Variants in SPIRE1 observed in about 807,000 individuals in gnomAD.
SPIRE1 encodes spire type actin nucleation factor 1, also known as protein spire homolog 1.
Under a neutral mutation model 94.1 loss-of-function variants are expected in SPIRE1, and 40 were observed. The ratio of observed to expected loss-of-function variants is 0.43; its 90% CI spans 0.33 to 0.55. The LOEUF (loss-of-function observed/expected upper bound fraction) is 0.55, where lower values mean the gene tolerates loss of function less well. Among genes scored for constraint, SPIRE1 ranks in the 20% least tolerant of loss-of-function variants. SPIRE1 has a pLI of 0.06. For synonymous variants in SPIRE1, 376 were observed against 371.7 expected, an observed-to-expected ratio of 1.01 and a Z score of -0.13; for missense variants, 838 against 975.2, an observed-to-expected ratio of 0.86 and a Z score of 1.87.
intron 2 of SPIRE1, among the ~76,000 whole-genome samples, chr18:12,592,293 A>G (rs2036557086): frequency 1.3e-5 from 2 of 152,222 alleles, no homozygotes; most frequent in Non-Finnish European, 2.9e-5. Context: ...ACTCAATTTG[A>G]AGGGCTTTTA....
In SPIRE1 at chr18:12,608,533, AT is replaced by A. The variant is rs1440396113; in HGVS notation, c.372+26528del. On this transcript the variant is annotated intron_variant, in intron 2 of 16. Coordinates refer to ENST00000409402, the MANE Select transcript of SPIRE1 (RefSeq NM_001128626.2). Reference sequence around the variant, plus strand: ...TTCATTTTCCCACATATTCTTAGTTATTTTCTTTGGAAAAGGTCCCAGAAGT... The same window carrying A: ...TTCATTTTCCCACATATTCTTAGTTATTTCTTTGGAAAAGGTCCCAGAAGT... Among the ~76,000 whole-genome samples, 3 of 152,182 alleles carry A rather than the reference AT, an allele frequency of 2.0e-5. No individual in the cohort carries two copies. The East Asian group carries it at 5.8e-4, about 29-fold the overall frequency.
intron 8 of SPIRE1, among the ~76,000 whole-genome samples, chr18:12,492,506 C>T (rs536919863): frequency 6.6e-6 from 1 of 151,990 alleles, no homozygotes; most frequent in Admixed American, 6.6e-5. Flanking sequence ...TAAGTAATAT[C>T]CGGTAATAAC....
chr18:12,544,546 T>G (rs1405698476), intron 3 of SPIRE1, among the ~76,000 whole-genome samples: 1 of 148,202 alleles, frequency 6.7e-6, no homozygotes, highest in Non-Finnish European at 1.5e-5. Context: ...GGTCTCACTA[T>G]GTTGCCCAGG....
At chr18:12,632,192 C>T (rs749152653) in intron 2 of SPIRE1, among the ~76,000 whole-genome samples, 1 of 152,150 alleles carries the variant, frequency 6.6e-6, no homozygotes, top group Non-Finnish European at 1.5e-5. Context: ...ATAGTTTTGA[C>T]CTTGCAGATC....
intron 2 of SPIRE1, among the ~76,000 whole-genome samples, chr18:12,617,248 T>TC (rs1334046639): frequency 6.7e-6 from 1 of 148,606 alleles, no homozygotes; most frequent in African/African-American, 2.5e-5. Flanking sequence ...CAACCACCAC[T>TC]CTGTCACCCA....
intron 16 of SPIRE1, 144 bp downstream of exon 16, chr18:12,452,111 G>A: frequency 2.2e-6 from 2 of 927,652 alleles, no homozygotes; most frequent in Non-Finnish European, 3.2e-6. Flanking sequence ...AAGTTTTGGA[G>A]ATTTGTGTGT....
At chr18:12,658,201 T>TGG (rs1168042947), upstream of SPIRE1, 1 of 632,968 alleles carries the variant, frequency 1.6e-6, no homozygotes, top group Non-Finnish European at 2.5e-6. Flanking sequence ...ATGCACGCTC[T>TGG]GGAGGTGAGG....
chr18:12,627,808 T>A (rs936486119), intron 2 of SPIRE1, among the ~76,000 whole-genome samples: 1 of 152,236 alleles, frequency 6.6e-6, no homozygotes, highest in South Asian at 2.1e-4. Context: ...TGATGACCAG[T>A]GATGATGAGC....
intron 9 of SPIRE1, among the ~76,000 whole-genome samples, chr18:12,483,108 T>C (rs1449664889): frequency 6.6e-6 from 1 of 152,004 alleles, no homozygotes; most frequent in Non-Finnish European, 1.5e-5. Flanking sequence ...GCCTAGCTAA[T>C]TTTTTGGTAT....
intron 2 of SPIRE1, among the ~76,000 whole-genome samples, chr18:12,553,308 A>G (rs1299949879): frequency 6.6e-6 from 1 of 152,196 alleles, no homozygotes; most frequent in African/African-American, 2.4e-5. Context: ...GCTCTAGGAC[A>G]GCATTTCCGG....
rs2034520526 is a variant in SPIRE1, at chr18:12,526,174, A to T, written c.729+9302T>A. ...ATAGACTCTTCTGGTGCATCTTCCC[A>T]TCAGATGCTTGTATAGTATCCCTGC... On this transcript the variant is annotated intron_variant, in intron 4 of 16. Transcript: ENST00000409402. 2.0e-5 allele frequency among the ~76,000 whole-genome samples: 3 copies of T among 151,638 alleles called. No individual in the cohort carries two copies. In the South Asian group the frequency reaches 6.2e-4, roughly 31 times the overall value.
At chr18:12,518,220 G>A (rs1381313511) in intron 4 of SPIRE1, among the ~76,000 whole-genome samples, 4 of 152,030 alleles carry the variant, frequency 2.6e-5, no homozygotes, top group Admixed American at 6.6e-5. Flanking sequence ...CATGTTGGCC[G>A]GGCTGATCTT....
At chr18:12,482,992 G>T (rs1457264703) in intron 9 of SPIRE1, among the ~76,000 whole-genome samples, 2 of 150,774 alleles carry the variant, frequency 1.3e-5, no homozygotes, top group African/African-American at 2.4e-5. Context: ...GCAGGTTGGG[G>T]TGCAGTGGCA....
Position 12,449,735 on chromosome 18 carries a change from T to C in SPIRE1, c.2174A>G (p.Lys725Arg). The change falls in exon 17 of 17, where the codon AAA (lysine) becomes AGA (arginine). Residue 725 changes from lysine (K) to arginine (R), a missense_variant. This residue lies in a region of SPIRE1 where 645 missense variants were observed against 804.7 expected (regional missense o/e 0.80). Transcript: ENST00000409402. ...SSRRSLVLAN[K>R]RARLKRKTQS... is the part of the protein sequence containing the mutation. ...CGTTTTCCTTTTCAATCGGGCCCTT[T>C]TGTTGGCCAACACCAGACTGCGCCG... 1 of 1,614,140 alleles carries C rather than the reference T, an allele frequency of 6.2e-7. No individual in the cohort carries two copies. The highest frequency in any genetic ancestry group is 1.6e-4 in the Middle Eastern group (1 of 6,062).
At chr18:12,558,463 T>C (rs1598470265) in intron 2 of SPIRE1, among the ~76,000 whole-genome samples, 1 of 152,186 alleles carries the variant, frequency 6.6e-6, no homozygotes, top group East Asian at 1.9e-4. Flanking sequence ...TTTCACAGCA[T>C]GGAAGGGGAC....
chr18:12,499,863 C>A (rs2033596156), intron 6 of SPIRE1, among the ~76,000 whole-genome samples: 1 of 152,120 alleles, frequency 6.6e-6, no homozygotes, highest in South Asian at 2.1e-4. Context: ...CAGGGGTCCA[C>A]CATCCAGAAT....
At chr18:12,552,094 C>T (rs577255981) in intron 2 of SPIRE1, among the ~76,000 whole-genome samples, 1 of 152,258 alleles carries the variant, frequency 6.6e-6, no homozygotes, top group Non-Finnish European at 1.5e-5. Context: ...AAGACCAGCG[C>T]TAGCCACAGA....
chr18:12,624,206 A>G (rs12970025), intron 2 of SPIRE1, among the ~76,000 whole-genome samples: 58,629 of 150,940 alleles, frequency 0.39, 12,091 homozygotes, highest in East Asian at 0.6. Flanking sequence ...ACAAGCGTAA[A>G]CCACCATGCC....
upstream of SPIRE1, chr18:12,658,365 C>G (rs1337573513): frequency 2.4e-6 from 1 of 416,496 alleles, no homozygotes; most frequent in Non-Finnish European, 4.8e-6. Context: ...GACGCACGGT[C>G]CGGAGGGGAT....
Sources: allele counts gnomAD v4.1 joint callset (sites outside exome capture counted in the v4.1 genomes callset), GRCh38; gene constraint gnomAD v4.1.1; regional missense constraint gnomAD v4.1.1; transcripts MANE v1.5; gene names NCBI Gene and HGNC (gene_info 2026-07-23, HGNC 2026-07-21).